The following PLEKHA7 variants were observed in gnomAD, a reference collection of about 807,000 sequenced individuals.
The protein encoded by PLEKHA7 is pleckstrin homology domain containing A7, also known as pleckstrin homology domain-containing family A member 7.
Under a neutral mutation model 170.0 loss-of-function variants are expected in PLEKHA7, and 104 were observed. The observed-to-expected ratio is 0.61, with a 90% CI of 0.52 to 0.72. The LOEUF is 0.72. PLEKHA7 is among the 30% of genes least tolerant of loss of function. PLEKHA7 has a pLI of 0.00. For synonymous variants in PLEKHA7, 648 were observed against 660.8 expected (o/e 0.98, Z 0.30); for missense variants, 1,615 against 1,671.7 (o/e 0.97, Z 0.59).
intron 11 of PLEKHA7, 74 bp downstream of exon 11, chr11:16,816,726 T>C: frequency 6.5e-7 from 1 of 1,529,474 alleles, no homozygotes; most frequent in African/African-American, 1.4e-5. Flanking sequence ...TACTCAAATT[T>C]GTGTTCAAAC....
intron 3 of PLEKHA7, among the ~76,000 whole-genome samples, chr11:16,941,132 C>G (rs1227198211): frequency 6.6e-6 from 1 of 152,160 alleles, no homozygotes; most frequent in African/African-American, 2.4e-5. Flanking sequence ...AAGGAGGTGG[C>G]AAATCCCTGA....
At chr11:17,000,996 G>C (rs1320368054) in intron 3 of PLEKHA7, among the ~76,000 whole-genome samples, 3 of 152,174 alleles carry the variant, frequency 2.0e-5, no homozygotes, top group Non-Finnish European at 4.4e-5. Flanking sequence ...TAACCTCTCT[G>C]AGACCCAAAC....
At chr11:16,845,453 G>A (rs139400601) in intron 8 of PLEKHA7, among the ~76,000 whole-genome samples, 26 of 152,204 alleles carry the variant, frequency 1.7e-4, no homozygotes, top group South Asian at 6.2e-4. Flanking sequence ...TGCAACCTTC[G>A]CCTCCCTGGT....
intron 12 of PLEKHA7, 160 bp from the exon 13 acceptor site, chr11:16,813,326 G>C (rs1849512827): frequency 3.7e-6 from 2 of 542,292 alleles, no homozygotes; most frequent in Non-Finnish European, 6.7e-6. Flanking sequence ...AAATGTCTCG[G>C]TGCAGCTGAG....
chr11:16,866,058 C>T (rs1178751426), intron 4 of PLEKHA7, among the ~76,000 whole-genome samples: 2 of 151,504 alleles, frequency 1.3e-5, no homozygotes, highest in East Asian at 2.0e-4. Flanking sequence ...AGGGTGGTCT[C>T]GATCTCCTGA....
intron 19 of PLEKHA7, among the ~76,000 whole-genome samples, chr11:16,794,019 T>C (rs1848037903): frequency 6.6e-6 from 1 of 152,166 alleles, no homozygotes; most frequent in Non-Finnish European, 1.5e-5. Flanking sequence ...ATTTTAAAGA[T>C]CAAAGCATCC....
intron 4 of PLEKHA7, among the ~76,000 whole-genome samples, chr11:16,859,548 C>G (rs1853763575): frequency 6.6e-6 from 1 of 152,154 alleles, no homozygotes; most frequent in South Asian, 2.1e-4. Context: ...TACAGCCTCC[C>G]GAAGAGACAA....
At chr11:16,877,783 G>A (rs1375809906) in intron 3 of PLEKHA7, among the ~76,000 whole-genome samples, 1 of 152,144 alleles carries the variant, frequency 6.6e-6, no homozygotes, top group Non-Finnish European at 1.5e-5. Flanking sequence ...GAAGATCTGG[G>A]TTCAAACCAG....
chr11:16,867,234 T>G (rs1190197928), intron 4 of PLEKHA7, among the ~76,000 whole-genome samples: 2 of 152,164 alleles, frequency 1.3e-5, no homozygotes, highest in African/African-American at 2.4e-5. Flanking sequence ...AAACACAGAT[T>G]GCTGGGGCCT....
chr11:17,003,868 C>T (rs1268673618), intron 3 of PLEKHA7, among the ~76,000 whole-genome samples: 1 of 152,162 alleles, frequency 6.6e-6, no homozygotes, highest in Non-Finnish European at 1.5e-5. Flanking sequence ...TCCGGCACAA[C>T]TCACAACTCA....
At chr11:16,877,903 G>T (rs1363861604) in intron 3 of PLEKHA7, among the ~76,000 whole-genome samples, 1 of 152,186 alleles carries the variant, frequency 6.6e-6, no homozygotes, top group Non-Finnish European at 1.5e-5. Flanking sequence ...ATACATGAAA[G>T]AACCTTGCCA....
intron 3 of PLEKHA7, among the ~76,000 whole-genome samples, chr11:16,977,897 G>T (rs1863172098): frequency 6.6e-6 from 1 of 152,052 alleles, no homozygotes; most frequent in South Asian, 2.1e-4. Context: ...CTCATCCTCG[G>T]TCTGCTGTGA....
intron 14 of PLEKHA7, 28 bp downstream of exon 14, chr11:16,803,199 G>A (rs1848716647): frequency 6.2e-7 from 1 of 1,604,724 alleles, no homozygotes; most frequent in Non-Finnish European, 8.5e-7. Context: ...GGCAGCTGAG[G>A]GGTCAGCGTG....
At chr11:16,947,915 C>CAAAAAAAAAAAAAAAAAAAAAA (rs756124686) in intron 3 of PLEKHA7, among the ~76,000 whole-genome samples, 4 of 66,950 alleles carry the variant, frequency 6.0e-5, no homozygotes, top group South Asian at 5.5e-4. Flanking sequence ...GACTCCGTCT[C>CAAAAAAAAAAAAAAAAAAAAAA]AAAAAAAAAA....
chr11:16,853,691 G>A (rs1478119799), intron 6 of PLEKHA7, among the ~76,000 whole-genome samples: 1 of 152,186 alleles, frequency 6.6e-6, no homozygotes, highest in Non-Finnish European at 1.5e-5. Flanking sequence ...AAGTCAGAGG[G>A]TTAAATGACT....
At chr11:17,013,866 G>A in intron 3 of PLEKHA7, 123 bp downstream of exon 3, 1 of 1,167,124 alleles carries the variant, frequency 8.6e-7, no homozygotes. Context: ...TGTGGCCGCG[G>A]CGCAGCGCGC....
intron 8 of PLEKHA7, 31 bp from the exon 9 acceptor site, chr11:16,841,753 G>C (rs1851983190): frequency 1.2e-6 from 2 of 1,604,264 alleles, no homozygotes; most frequent in Non-Finnish European, 1.7e-6. Context: ...GCAGGTCAGA[G>C]GGAGGTTATC....
At chr11:16,922,490 T>A (rs1400712239) in intron 3 of PLEKHA7, among the ~76,000 whole-genome samples, 1 of 152,176 alleles carries the variant, frequency 6.6e-6, no homozygotes, top group Non-Finnish European at 1.5e-5. Context: ...TAACCCCTCA[T>A]TCTCTCTCCC....
At chr11:17,012,014 T>C (rs1865348024) in intron 3 of PLEKHA7, among the ~76,000 whole-genome samples, 1 of 152,150 alleles carries the variant, frequency 6.6e-6, no homozygotes, top group Non-Finnish European at 1.5e-5. Context: ...AAACACAGCC[T>C]GAATGTGACC....
Sources: gnomAD v4.1 joint callset for allele counts (sites outside exome capture counted in the v4.1 genomes callset) on GRCh38, gnomAD v4.1.1 for gene constraint, MANE v1.5 for transcripts, NCBI Gene and HGNC (gene_info 2026-07-23, HGNC 2026-07-21) for gene names.